The following AKT3 variants were observed in gnomAD, a reference collection of about 807,000 sequenced individuals.
AKT3 encodes the protein AKT serine/threonine kinase 3, also known as RAC-gamma serine/threonine-protein kinase.
AKT3 carries 15 observed loss-of-function variants against 65.3 expected under a neutral mutation model. The observed-to-expected ratio is 0.23, with a 90% CI of 0.15 to 0.35. AKT3 has a LOEUF of 0.35. Among genes scored for constraint, AKT3 ranks in the 10% least tolerant of loss-of-function variants. The pLI is 1.00. For missense variants in AKT3, 243 were observed against 576.5 expected, an observed-to-expected ratio of 0.42 and a Z score of 5.92; for synonymous variants, 206 against 183.8, an observed-to-expected ratio of 1.12 and a Z score of -0.98.
chr1:243,517,577 C>T (rs1670447738), intron 12 of AKT3, among the ~76,000 whole-genome samples: 1 of 152,202 alleles, frequency 6.6e-6, no homozygotes, highest in Non-Finnish European at 1.5e-5. Flanking sequence ...AGCAATATTA[C>T]TTGCTTTGAA....
intron 2 of AKT3, among the ~76,000 whole-genome samples, chr1:243,777,368 G>A (rs555731001): frequency 2.6e-5 from 4 of 152,208 alleles, no homozygotes; most frequent in African/African-American, 9.6e-5. Flanking sequence ...CTGGCAGGGG[G>A]CAGTCCTAAC....
intron 12 of AKT3, among the ~76,000 whole-genome samples, chr1:243,523,837 G>A (rs1006087568): frequency 6.6e-6 from 1 of 152,230 alleles, no homozygotes; most frequent in African/African-American, 2.4e-5. Flanking sequence ...ACCGTTTGAA[G>A]ACAGGGACTT....
chr1:243,820,014 G>T (rs1428861189), intron 2 of AKT3, among the ~76,000 whole-genome samples: 1 of 152,202 alleles, frequency 6.6e-6, no homozygotes, highest in African/African-American at 2.4e-5. Context: ...CGCCTCCCAG[G>T]TTCGAGCAAT....
chr1:243,604,291 A>G (rs900920420), intron 8 of AKT3, among the ~76,000 whole-genome samples: 4 of 152,108 alleles, frequency 2.6e-5, no homozygotes, highest in African/African-American at 4.8e-5. Context: ...CTCTACTTCA[A>G]CCTCTATACT....
At chr1:243,591,348 G>A (rs150295549) in intron 8 of AKT3, among the ~76,000 whole-genome samples, 42 of 152,302 alleles carry the variant, frequency 2.8e-4, no homozygotes, top group Admixed American at 1.4e-3. Flanking sequence ...TAGTGCAGCC[G>A]TGTTAGTGCT....
At position 243,503,670 on chromosome 1, in the gene AKT3, G is replaced by A. The variant is rs1027041337; in HGVS notation, c.*1579C>T. 4.3e-6 allele frequency: 1 copy of A among 232,358 alleles called. No individual in the cohort carries two copies. The highest frequency in any genetic ancestry group is 8.5e-6 in the Non-Finnish European group (1 of 117,344). 14.4% of individuals were successfully genotyped at this position (232,358 alleles called of 1,614,324 possible). On this transcript the variant is annotated 3_prime_UTR_variant, in exon 14 of 14. Coordinates refer to ENST00000673466, the MANE Select transcript of AKT3 (RefSeq NM_005465.7). ...CTTTCAGTGAGAAATGTTGGAATCT[G>A]GGGGACATGAGTATATACAGAAAAA...
chr1:243,539,519 T>G (rs1672158261), intron 12 of AKT3, among the ~76,000 whole-genome samples: 1 of 152,142 alleles, frequency 6.6e-6, no homozygotes, highest in African/African-American at 2.4e-5. Context: ...ACTCCCACAT[T>G]GTTCAAGGGT....
rs531465791 is a variant in AKT3 at position 243,835,190 on chromosome 1, G to T, written c.46+7935C>A. On this transcript the variant is annotated intron_variant, in intron 2 of 13. Transcript: ENST00000673466. ...TATAGAACATTCAGCAGCATATCTG[G>T]CCTCTACCCACTAGATGCCAGTAGC... Among the ~76,000 whole-genome samples the T allele has an allele frequency of 3.3e-4, 50 of 152,148 alleles. 1 individual carries two copies. In the South Asian group the frequency reaches 9.6e-3, roughly 29 times the overall value.
intron 4 of AKT3, among the ~76,000 whole-genome samples, chr1:243,656,329 T>C (rs1572112638): frequency 6.6e-6 from 1 of 152,310 alleles, no homozygotes; most frequent in East Asian, 1.9e-4. Context: ...TACTTACTAA[T>C]AAATATTTAA....
rs946125407 is a variant in AKT3 at position 243,493,711 on chromosome 1, C to T, written c.*7-5261G>A. ...GCATTCTTGGCAGTGAATTTACTTT[C>T]TAATTTGATTTAAACTTGTGCATGG... On this transcript the variant is annotated intron_variant, in intron 13 of 13. Transcript: ENST00000336199. Among the ~76,000 whole-genome samples, 3 of 151,920 alleles carry T rather than the reference C, an allele frequency of 2.0e-5. No homozygotes were observed. The South Asian group carries it at 6.2e-4, about 32-fold the overall frequency.
At chr1:243,777,235 C>T (rs902732682) in intron 2 of AKT3, among the ~76,000 whole-genome samples, 1 of 152,162 alleles carries the variant, frequency 6.6e-6, no homozygotes. Context: ...AAGGAGAGTG[C>T]AACCTAGATC....
chr1:243,814,551 A>G (rs1011563765), intron 2 of AKT3: 1 of 152,164 alleles, frequency 6.6e-6, no homozygotes, highest in African/African-American at 2.4e-5. Context: ...ACATCTTCCA[A>G]TGATACACAG....
chr1:243,643,959 G>A (rs1680624862), intron 5 of AKT3, among the ~76,000 whole-genome samples: 1 of 152,166 alleles, frequency 6.6e-6, no homozygotes, highest in Non-Finnish European at 1.5e-5. Flanking sequence ...TTTACCACTT[G>A]AGGCTAAGTC....
At chr1:243,655,503 T>C (rs1323923775) in intron 4 of AKT3, among the ~76,000 whole-genome samples, 1 of 152,076 alleles carries the variant, frequency 6.6e-6, no homozygotes, top group East Asian at 1.9e-4. Context: ...TGTGTACTCA[T>C]TTTTTAACAA....
chr1:243,496,471 C>G (rs576146943), downstream of AKT3, among the ~76,000 whole-genome samples: 1 of 152,328 alleles, frequency 6.6e-6, no homozygotes, highest in African/African-American at 2.4e-5. Context: ...TGCTTTATTG[C>G]CAGACACACA....
At chr1:243,594,498 C>T (rs1260843407) in intron 8 of AKT3, among the ~76,000 whole-genome samples, 3 of 152,112 alleles carry the variant, frequency 2.0e-5, no homozygotes, top group Admixed American at 1.3e-4. Context: ...ATCAAGTTAG[C>T]GTGGTACTGA....
At chr1:243,722,514 C>A (rs1686972926) in intron 2 of AKT3, among the ~76,000 whole-genome samples, 1 of 152,214 alleles carries the variant, frequency 6.6e-6, no homozygotes, top group African/African-American at 2.4e-5. Context: ...TTCACCATTT[C>A]TAGTAATCAT....
chr1:243,579,440 GAAGC>G (rs1675176908), intron 8 of AKT3, among the ~76,000 whole-genome samples: 2 of 152,234 alleles, frequency 1.3e-5, no homozygotes, highest in East Asian at 3.9e-4. Context: ...ATAAAAAAAG[GAAGC>G]AAGACTACAA....
chr1:243,539,219 TTCCTCC>T (rs1193621147), intron 12 of AKT3, among the ~76,000 whole-genome samples: 2 of 152,046 alleles, frequency 1.3e-5, no homozygotes, highest in Non-Finnish European at 2.9e-5. Flanking sequence ...ATCCCTCCTC[TTCCTCC>T]TCCTCCTCAG....
Sources: gnomAD v4.1 joint callset for allele counts (sites outside exome capture counted in the v4.1 genomes callset) on GRCh38, gnomAD v4.1.1 for gene constraint, MANE v1.5 for transcripts, NCBI Gene and HGNC (gene_info 2026-07-23, HGNC 2026-07-21) for gene names.